The following EBF3 variants were observed in gnomAD, a reference collection of about 807,000 sequenced individuals.
EBF3 encodes the protein transcription factor COE3.
In EBF3, 18 loss-of-function variants were observed where a neutral mutation model predicts 77.1. The ratio of observed to expected loss-of-function variants is 0.23; its 90% CI spans 0.16 to 0.35. The LOEUF is 0.35. Ranked by LOEUF, EBF3 falls within the 10% of genes least tolerant of loss-of-function variation. EBF3 has a pLI of 1.00. For missense variants in EBF3, 558 were observed against 860.0 expected, an observed-to-expected ratio of 0.65 and a Z score of 4.39; for synonymous variants, 350 against 343.5, an observed-to-expected ratio of 1.02 and a Z score of -0.21.
intron 6 of EBF3, among the ~76,000 whole-genome samples, chr10:129,899,578 C>T (rs2134237772): frequency 6.6e-6 from 1 of 152,286 alleles, no homozygotes; most frequent in Non-Finnish European, 1.5e-5. Context: ...ACGGACATGT[C>T]CCAGTTGCTC....
chr10:129,948,154 A>C (rs1039567460), intron 6 of EBF3, among the ~76,000 whole-genome samples: 13 of 151,510 alleles, frequency 8.6e-5, no homozygotes, highest in Non-Finnish European at 1.9e-4. Context: ...GCTACTTGGG[A>C]AACTGAGGCA....
intron 6 of EBF3, among the ~76,000 whole-genome samples, chr10:129,906,849 A>T (rs1363724260): frequency 6.6e-6 from 1 of 152,088 alleles, no homozygotes; most frequent in Non-Finnish European, 1.5e-5. Flanking sequence ...CTTGACAAGT[A>T]CCAGGGAAAA....
At position 129,839,185 on chromosome 10, in the gene EBF3, C is replaced by G. The variant is rs1309641728; in HGVS notation, c.1770G>C (p.Leu590=). Residue 590 remains leucine, a synonymous_variant, in exon 16 of 17, where the codon CTG becomes CTC. Transcript: ENST00000440978. ...TCTCCGCGGCTACGTCCTCAGCACC[C>G]AGCAGAGAGCCTGGTACATAGTAGG... The part of the protein sequence containing the change: ...ANGNGLQGSL[L]GAEDVAAEKT... 1.6e-6 allele frequency: 2 copies of G among 1,282,118 alleles called. No homozygotes were observed. The highest frequency in any genetic ancestry group is 2.3e-5 in the Admixed American group (1 of 43,554). The allele number at this position is 1,282,118 out of a possible 1,614,324, so 79.4% of individuals were successfully genotyped here. A position where few individuals can be genotyped will look rare whatever the true frequency, so the allele number is the denominator to read the frequency against.
intron 10 of EBF3, among the ~76,000 whole-genome samples, chr10:129,856,014 T>C (rs1236666879): frequency 6.6e-6 from 1 of 152,226 alleles, no homozygotes; most frequent in Admixed American, 6.5e-5. Flanking sequence ...ATCCCTGTCC[T>C]GTGCTCTGGG....
At position 129,864,782 on chromosome 10, in the gene EBF3, G is replaced by A. The variant is rs1031352032; in HGVS notation, c.1039+2359C>T. Among the ~76,000 whole-genome samples, 10 of 152,186 alleles carry A rather than the reference G, an allele frequency of 6.6e-5. No homozygotes were observed. Among genetic ancestry groups the A allele is most frequent in the African/African-American group, 2.4e-4 (10 of 41,440 alleles). On this transcript the variant is annotated intron_variant, in intron 10 of 16. Transcript: ENST00000440978. This position sits in a 1 kb window ranked among gnomAD's most constrained non-coding sequence, Gnocchi z 4.4. ...CTGCCATGTGCCCGCCGAAGCTCAG[G>A]TGCTGCTCCATGGCTCACAAGCAAT...
chr10:129,914,694 G>T (rs905592066), intron 6 of EBF3, among the ~76,000 whole-genome samples: 1 of 152,108 alleles, frequency 6.6e-6, no homozygotes, highest in Non-Finnish European at 1.5e-5. Flanking sequence ...GGGCAGGGCG[G>T]GCCCATGCTC....
At chr10:129,948,594 A>C (rs1009084659) in intron 6 of EBF3, among the ~76,000 whole-genome samples, 1 of 140,554 alleles carries the variant, frequency 7.1e-6, no homozygotes, top group Non-Finnish European at 1.5e-5. Flanking sequence ...ATACCACACC[A>C]AAGCAAGACG....
chr10:129,956,782 A>AC (rs1175020346), intron 6 of EBF3, among the ~76,000 whole-genome samples: 2 of 152,250 alleles, frequency 1.3e-5, no homozygotes, highest in African/African-American at 4.8e-5. Flanking sequence ...ACAATTGGAA[A>AC]AAAATTAGGA....
In EBF3 at chr10:129,963,372, C is replaced by T; in HGVS notation, c.286G>A (p.Glu96Lys). The T allele has an allele frequency of 1.3e-6, 2 of 1,583,788 alleles. No homozygotes were observed. Among genetic ancestry groups the T allele is most frequent in the Non-Finnish European group, 1.7e-6 (2 of 1,165,486 alleles). The change falls in exon 2 of 17, where the codon GAG becomes AAG. Residue 96 changes from glutamate (E) to lysine (K), a missense_variant. Coordinates refer to ENST00000440978, the MANE Select transcript of EBF3 (RefSeq NM_001375380.1). The surrounding 1 kb of genome is among the most constrained non-coding windows in gnomAD (Gnocchi z 7.1). ...RTAFVDFVEK[E>K]KEPNNEKTNN... ...GATCGTGTGTTTGCACTTACTTTCT[C>T]TTTCTCCACAAAGTCCACAAAAGCG...
intron 6 of EBF3, among the ~76,000 whole-genome samples, chr10:129,917,575 A>G (rs1855964288): frequency 7.2e-6 from 1 of 138,832 alleles, no homozygotes. Flanking sequence ...CAGGAGTTTG[A>G]GGCTGCAGTG....
chr10:129,859,485 A>G (rs1281484951), intron 10 of EBF3, among the ~76,000 whole-genome samples: 1 of 152,218 alleles, frequency 6.6e-6, no homozygotes, highest in African/African-American at 2.4e-5. Context: ...TCAGCCTCCC[A>G]AAGTGCTGGG....
intron 10 of EBF3, among the ~76,000 whole-genome samples, chr10:129,866,265 G>A (rs1412731983): frequency 1.3e-5 from 2 of 152,104 alleles, no homozygotes. Context: ...AGGACCACAG[G>A]CATACACCAC....
intron 7 of EBF3, among the ~76,000 whole-genome samples, chr10:129,876,653 C>T (rs1254586441): frequency 2.0e-5 from 3 of 152,220 alleles, no homozygotes; most frequent in Non-Finnish European, 4.4e-5. Flanking sequence ...AAATCCCAAA[C>T]AGGAATCATT....
chr10:129,927,158 C>T lies in EBF3; in HGVS notation c.554+30100G>A, dbSNP rs557202486. ...GAAGCGACACAACCGACCAGGCTCC[C>T]GGGCGATGGGGACAAATAAAAATGC... On this transcript the variant is annotated intron_variant, in intron 6 of 16. Coordinates refer to ENST00000440978, the MANE Select transcript of EBF3 (RefSeq NM_001375380.1). 7.9e-5 allele frequency among the ~76,000 whole-genome samples: 12 copies of T among 152,292 alleles called. No individual in the cohort carries two copies. In the East Asian group the frequency reaches 1.7e-3, roughly 22 times the overall value.
Position 129,964,210 on chromosome 10 carries a change from G to T in EBF3, c.-442C>A. ...TCCCGGGCGCAGGCGGGGCGCGGCG[G>T]GGCCTGGAGCGGCGCGCGCAGCGGA... On this transcript the variant is annotated 5_prime_UTR_variant, in exon 1 of 17. Transcript: ENST00000440978. This position sits in a 1 kb window ranked among gnomAD's most constrained non-coding sequence, Gnocchi z 4.5. 1 of 984,932 alleles carries T rather than the reference G, an allele frequency of 1.0e-6. No homozygotes were observed. Among genetic ancestry groups the T allele is most frequent in the East Asian group, 1.1e-4 (1 of 8,790 alleles). The allele number at this position is 984,932 out of a possible 1,614,324, so 61.0% of individuals were successfully genotyped here.
intron 6 of EBF3, among the ~76,000 whole-genome samples, chr10:129,927,147 G>T (rs1002314419): frequency 5.9e-5 from 9 of 152,128 alleles, no homozygotes; most frequent in African/African-American, 1.9e-4. Context: ...CGACACAACC[G>T]ACCAGGCTCC....
intron 6 of EBF3, among the ~76,000 whole-genome samples, chr10:129,908,616 G>A (rs1028263196): frequency 5.9e-5 from 9 of 152,338 alleles, no homozygotes; most frequent in African/African-American, 1.2e-4. Flanking sequence ...CAGTGTCGGC[G>A]CAGCCACCGC....
rs1564878238 is a variant in EBF3, at chr10:129,908,302, C to T, written c.555-30453G>A. 2.0e-5 allele frequency among the ~76,000 whole-genome samples: 3 copies of T among 152,308 alleles called. No individual in the cohort carries two copies. In the South Asian group the frequency reaches 6.2e-4, roughly 32 times the overall value. On this transcript the variant is annotated intron_variant, in intron 6 of 16. Transcript: ENST00000440978. ...TGAAGTAACGTGGAAACAAATAAGA[C>T]ATTTCCCTAGGCTAGCTCAGATAAA... is the stretch of plus-strand genomic sequence containing the variant.
chr10:129,917,488 T>A (rs534522666), intron 6 of EBF3, among the ~76,000 whole-genome samples: 1 of 151,300 alleles, frequency 6.6e-6, no homozygotes, highest in African/African-American at 2.4e-5. Flanking sequence ...AAAAAACAAC[T>A]AAGTTTAAAA....
Sources: allele counts gnomAD v4.1 joint callset (sites outside exome capture counted in the v4.1 genomes callset), GRCh38; gene constraint gnomAD v4.1.1; non-coding constraint Gnocchi (gnomAD v3.1); transcripts MANE v1.5; gene names NCBI Gene and HGNC (gene_info 2026-07-23, HGNC 2026-07-21).